The following SPAG16 variants were observed in gnomAD, a reference collection of about 807,000 sequenced individuals.
The protein encoded by SPAG16 is sperm associated antigen 16, also known as sperm-associated antigen 16 protein.
A neutral mutation model predicts 80.4 loss-of-function variants in SPAG16; 86 were observed. The observed-to-expected ratio is 1.07, with a 90% confidence interval of 0.90 to 1.28. The LOEUF (loss-of-function observed/expected upper bound fraction) is 1.28. Ranked by LOEUF, SPAG16 falls within the 50% of genes most tolerant of loss-of-function variation. SPAG16 has a pLI of 0.00. For missense variants in SPAG16, 870 were observed against 765.3 expected, an observed-to-expected ratio of 1.14 and a Z score of -1.61; for synonymous variants, 294 against 265.9, an observed-to-expected ratio of 1.11 and a Z score of -1.03.
intron 10 of SPAG16, among the ~76,000 whole-genome samples, chr2:213,809,862 G>A (rs2072020849): frequency 6.6e-6 from 1 of 152,116 alleles, no homozygotes. Context: ...CAGGTGGGAG[G>A]CTATATAATT....
chr2:213,547,291 C>T (rs993650495), intron 10 of SPAG16, among the ~76,000 whole-genome samples: 3 of 152,110 alleles, frequency 2.0e-5, no homozygotes, highest in Admixed American at 2.0e-4. Flanking sequence ...TAAAAATAGT[C>T]ATGGTGTATT....
At chr2:213,939,184 A>G (rs2079103972) in intron 12 of SPAG16, among the ~76,000 whole-genome samples, 1 of 152,182 alleles carries the variant, frequency 6.6e-6, no homozygotes, top group African/African-American at 2.4e-5. Flanking sequence ...TAATTACTAA[A>G]AATCACTACT....
intron 10 of SPAG16, among the ~76,000 whole-genome samples, chr2:213,752,603 A>G (rs1193528749): frequency 1.3e-5 from 2 of 152,238 alleles, no homozygotes; most frequent in Non-Finnish European, 2.9e-5. Flanking sequence ...TGATCTTTCA[A>G]AAGTTTCACT....
intron 13 of SPAG16, among the ~76,000 whole-genome samples, chr2:214,102,692 C>T (rs951519794): frequency 1.3e-5 from 2 of 152,176 alleles, no homozygotes; most frequent in African/African-American, 4.8e-5. Context: ...GATTTACCGA[C>T]GGCAAATCCA....
chr2:214,091,100 CCTCT>C (rs1026936385), intron 13 of SPAG16, among the ~76,000 whole-genome samples: 22 of 152,058 alleles, frequency 1.4e-4, no homozygotes, highest in African/African-American at 5.3e-4. Context: ...CAAGTTTCTC[CCTCT>C]ATTCCCTACT....
chr2:214,022,137 AT>A (rs1359945935), intron 13 of SPAG16, among the ~76,000 whole-genome samples: 2 of 152,020 alleles, frequency 1.3e-5, no homozygotes, highest in Non-Finnish European at 2.9e-5. Context: ...CGAATGAGAC[AT>A]TTTTTTCTCC....
chr2:213,339,095 T>C (rs915916061), intron 5 of SPAG16, among the ~76,000 whole-genome samples: 1 of 151,894 alleles, frequency 6.6e-6, no homozygotes, highest in African/African-American at 2.4e-5. Context: ...ATATGCCTCA[T>C]GTAATTTGAT....
intron 10 of SPAG16, among the ~76,000 whole-genome samples, chr2:213,715,482 T>C (rs977446445): frequency 6.6e-6 from 1 of 152,126 alleles, no homozygotes; most frequent in Non-Finnish European, 1.5e-5. Flanking sequence ...GAAGTGAAAA[T>C]AGCTTGGGTT....
At chr2:213,911,828 CAGTT>C (rs1214235560) in intron 11 of SPAG16, among the ~76,000 whole-genome samples, 9 of 67,120 alleles carry the variant, frequency 1.3e-4, no homozygotes, top group Non-Finnish European at 1.8e-4. Flanking sequence ...AAATGAGAAA[CAGTT>C]AGCAAAAAAA....
chr2:213,875,741 C>T (rs1559544099), intron 11 of SPAG16, among the ~76,000 whole-genome samples: 1 of 152,080 alleles, frequency 6.6e-6, no homozygotes, highest in Non-Finnish European at 1.5e-5. Flanking sequence ...AGACCTGTAG[C>T]TTACATTTAT....
At chr2:214,292,607 C>A (rs551538271) in intron 15 of SPAG16, among the ~76,000 whole-genome samples, 2 of 151,972 alleles carry the variant, frequency 1.3e-5, no homozygotes, top group South Asian at 2.1e-4. Flanking sequence ...TCTTTCTGAG[C>A]TTCTTTAAAC....
At chr2:214,199,867 A>G (rs930746647) in intron 15 of SPAG16, among the ~76,000 whole-genome samples, 3 of 152,218 alleles carry the variant, frequency 2.0e-5, no homozygotes, top group Non-Finnish European at 4.4e-5. Flanking sequence ...CAGCTGTTGT[A>G]AAAGGGATTA....
At chr2:214,369,038 C>T (rs1574422253) in intron 15 of SPAG16, among the ~76,000 whole-genome samples, 2 of 152,174 alleles carry the variant, frequency 1.3e-5, no homozygotes, top group South Asian at 4.1e-4. Flanking sequence ...CGTGCTGTTG[C>T]CTGGCCCCTT....
intron 10 of SPAG16, among the ~76,000 whole-genome samples, chr2:213,586,396 T>C (rs2060474704): frequency 1.3e-5 from 2 of 152,198 alleles, no homozygotes; most frequent in African/African-American, 4.8e-5. Context: ...ACAAGACAGC[T>C]ATCTAGCACT....
At chr2:214,159,905 C>G (rs1034674844) in intron 15 of SPAG16, among the ~76,000 whole-genome samples, 1 of 151,964 alleles carries the variant, frequency 6.6e-6, no homozygotes, top group Non-Finnish European at 1.5e-5. Context: ...CATTCCCTCT[C>G]TTATATATCT....
chr2:213,682,515 G>C (rs1193033278), intron 10 of SPAG16, among the ~76,000 whole-genome samples: 1 of 152,200 alleles, frequency 6.6e-6, no homozygotes, highest in Non-Finnish European at 1.5e-5. Flanking sequence ...GGGGCATCTG[G>C]CCAATTTTGG....
chr2:213,874,106 A>C (rs1185360029), intron 11 of SPAG16, among the ~76,000 whole-genome samples: 1 of 152,132 alleles, frequency 6.6e-6, no homozygotes, highest in African/African-American at 2.4e-5. Flanking sequence ...ATTTACCATG[A>C]ATGGAGCTTT....
intron 13 of SPAG16, among the ~76,000 whole-genome samples, chr2:214,056,318 TAGAGAGAGAGAGAG>T (rs1332334966): frequency 7.3e-6 from 1 of 137,012 alleles, no homozygotes; most frequent in South Asian, 2.4e-4. Flanking sequence ...CACACACGCA[TAGAGAGAGAGAGAG>T]AGGGAGAGAA....
intron 11 of SPAG16, among the ~76,000 whole-genome samples, chr2:213,907,307 T>G (rs182546570): frequency 6.6e-6 from 1 of 152,084 alleles, no homozygotes; most frequent in Admixed American, 6.5e-5. Flanking sequence ...CTCAGGGAAA[T>G]GCAAATCAAA....
Sources: allele counts gnomAD v4.1 joint callset (sites outside exome capture counted in the v4.1 genomes callset), GRCh38; gene constraint gnomAD v4.1.1; transcripts MANE v1.5; gene names NCBI Gene and HGNC (gene_info 2026-07-23, HGNC 2026-07-21).